SORCS2: variants seen among roughly 807,000 people sequenced by gnomAD.
The protein encoded by SORCS2 is VPS10 domain-containing receptor SorCS2.
Under a neutral mutation model 141.6 loss-of-function variants are expected in SORCS2, and 100 were observed. The observed-to-expected ratio is 0.71, with a 90% CI of 0.60 to 0.83. The LOEUF is 0.83. Among genes scored for constraint, SORCS2 ranks in the 40% least tolerant of loss-of-function variants. SORCS2 has a pLI of 0.00. For missense variants in SORCS2, 1,646 were observed against 1,560.2 expected, an observed-to-expected ratio of 1.05 and a Z score of -0.93; for synonymous variants, 789 against 676.9, an observed-to-expected ratio of 1.17 and a Z score of -2.57.
At chr4:7,351,118 C>G (rs1259870358) in intron 1 of SORCS2, among the ~76,000 whole-genome samples, 3 of 152,230 alleles carry the variant, frequency 2.0e-5, no homozygotes, top group African/African-American at 7.2e-5. Flanking sequence ...ACACGCCCCC[C>G]CACTTAGCCC....
chr4:7,548,997 C>T (rs948582738), intron 3 of SORCS2, among the ~76,000 whole-genome samples: 4 of 152,210 alleles, frequency 2.6e-5, no homozygotes, highest in African/African-American at 9.6e-5. Flanking sequence ...GCTTGGGTCG[C>T]ATGTTATCCA....
At chr4:7,709,497 A>T (rs77694398) in intron 14 of SORCS2, among the ~76,000 whole-genome samples, 2,737 of 152,328 alleles carry the variant, frequency 0.018, 83 homozygotes, top group African/African-American at 0.062. Context: ...TTTTCAAGCA[A>T]CAGAACAGTT....
At chr4:7,510,639 T>A (rs193120229) in intron 2 of SORCS2, among the ~76,000 whole-genome samples, 5 of 145,664 alleles carry the variant, frequency 3.4e-5, no homozygotes, top group African/African-American at 2.6e-5. Flanking sequence ...GGCCGGCGCC[T>A]TGTTCTGGGT....
At chr4:7,314,812 TTTTTTTTTTTTTTTTTTA>T (rs1718450290) in intron 1 of SORCS2, among the ~76,000 whole-genome samples, 5 of 64,900 alleles carry the variant, frequency 7.7e-5, no homozygotes, top group East Asian at 6.0e-4. Context: ...TTTTTTTTTT[TTTTTTTTTTTTTTTTTTA>T]TTGTTGTTGT....
chr4:7,548,011 C>T (rs1246085944), intron 3 of SORCS2, among the ~76,000 whole-genome samples: 1 of 152,188 alleles, frequency 6.6e-6, no homozygotes, highest in Non-Finnish European at 1.5e-5. Flanking sequence ...AGCTTTCTTC[C>T]TGATTTCTTT....
intron 2 of SORCS2, among the ~76,000 whole-genome samples, chr4:7,420,540 G>C (rs1725970696): frequency 6.6e-6 from 1 of 152,178 alleles, no homozygotes; most frequent in African/African-American, 2.4e-5. Flanking sequence ...TGTGCAGCTG[G>C]AGGCAGACCT....
At chr4:7,711,387 G>A (rs964802416) in intron 14 of SORCS2, among the ~76,000 whole-genome samples, 2 of 152,174 alleles carry the variant, frequency 1.3e-5, no homozygotes, top group African/African-American at 4.8e-5. Flanking sequence ...AGCTCATCAT[G>A]GGCCACCCCA....
rs548181808 is a variant in SORCS2, at chr4:7,386,184, C to T, written c.481-10104C>T. 3.5e-5 allele frequency among the ~76,000 whole-genome samples: 5 copies of T among 142,060 alleles called. No individual in the cohort carries two copies. In the South Asian group the frequency reaches 1.2e-3, roughly 33 times the overall value. 93.2% of individuals were successfully genotyped at this position (142,060 alleles called of 152,430 possible). A position where few individuals can be genotyped will look rare whatever the true frequency, so the allele number is the denominator to read the frequency against. On this transcript the variant is annotated intron_variant, in intron 1 of 26. Coordinates refer to ENST00000507866, the MANE Select transcript of SORCS2 (RefSeq NM_020777.3). The stretch of plus-strand genomic sequence containing the variant: ...AGAGATACACATGCGCACGCACACA[C>T]ATGCACACACATACACATTTGCACA...
At chr4:7,288,691 C>T (rs1221556621) in intron 1 of SORCS2, among the ~76,000 whole-genome samples, 1 of 151,130 alleles carries the variant, frequency 6.6e-6, no homozygotes, top group East Asian at 1.9e-4. Context: ...TAGGTCCCTA[C>T]TCCTGTGACC....
chr4:7,474,749 G>A (rs974270645), intron 2 of SORCS2, among the ~76,000 whole-genome samples: 13 of 152,152 alleles, frequency 8.5e-5, no homozygotes, highest in African/African-American at 2.7e-4. Context: ...GCTTCCTGGG[G>A]CTGCTATAAT....
At chr4:7,569,507 C>A (rs1260569941) in intron 3 of SORCS2, among the ~76,000 whole-genome samples, 5 of 152,118 alleles carry the variant, frequency 3.3e-5, no homozygotes, top group Non-Finnish European at 5.9e-5. Flanking sequence ...CAGGGCAAGA[C>A]TCCGTCGCAA....
At chr4:7,377,530 G>C (rs1722740479) in intron 1 of SORCS2, among the ~76,000 whole-genome samples, 1 of 152,202 alleles carries the variant, frequency 6.6e-6, no homozygotes, top group South Asian at 2.1e-4. Context: ...TGCCAAATTT[G>C]TTCCATCATT....
chr4:7,227,705 C>T (rs1711522299), intron 1 of SORCS2, among the ~76,000 whole-genome samples: 1 of 152,212 alleles, frequency 6.6e-6, no homozygotes, highest in South Asian at 2.1e-4. Context: ...CCTCGCCTTT[C>T]ACCCCTCTCT....
chr4:7,435,147 C>T (rs535424126), intron 2 of SORCS2, among the ~76,000 whole-genome samples: 125 of 152,156 alleles, frequency 8.2e-4, no homozygotes, highest in Non-Finnish European at 1.5e-3. Flanking sequence ...GAATGAAGCT[C>T]GGCTCCTAGG....
In SORCS2 at chr4:7,677,608, C is replaced by CAGTAGTAGA. The variant is rs1560476672; in HGVS notation, c.1341+1379_1341+1380insAGTAGTAGA. On this transcript the variant is annotated intron_variant, in intron 9 of 26. Coordinates refer to ENST00000507866, the MANE Select transcript of SORCS2 (RefSeq NM_020777.3). ...GGCTGGGAGAGTGTCCCGTGGGTGG[C>CAGTAGTAGA]CAGTAGACCCTGGGCAGGCAGTGGC... Among the ~76,000 whole-genome samples, 1,152 of 152,274 alleles carry CAGTAGTAGA rather than the reference C, an allele frequency of 7.6e-3. 11 individuals carry two copies. The highest frequency in any genetic ancestry group is 0.021 in the African/African-American group (855 of 41,558).
chr4:7,542,337 A>G (rs1396211581), intron 3 of SORCS2, among the ~76,000 whole-genome samples: 1 of 152,210 alleles, frequency 6.6e-6, no homozygotes, highest in Non-Finnish European at 1.5e-5. Context: ...CTTTGGGAAT[A>G]GGGTCTTTGC....
chr4:7,267,763 C>T (rs774647294), intron 1 of SORCS2, among the ~76,000 whole-genome samples: 13 of 152,270 alleles, frequency 8.5e-5, no homozygotes, highest in Non-Finnish European at 1.3e-4. Context: ...ATCTGGGAGA[C>T]GGAGGTTGCA....
In SORCS2 at chr4:7,326,117, G is replaced by A. The variant is rs531661623; in HGVS notation, c.481-70171G>A. On this transcript the variant is annotated intron_variant, in intron 1 of 26. Transcript: ENST00000507866. Reference sequence around the variant, plus strand: ...AGAGGCTCAGAGGCAGGTGGTGAGGGGCTGTGTTCTGGGAGCTTCTGGATA... The same window carrying A: ...AGAGGCTCAGAGGCAGGTGGTGAGGAGCTGTGTTCTGGGAGCTTCTGGATA... Among the ~76,000 whole-genome samples, 7 of 152,198 alleles carry A rather than the reference G, an allele frequency of 4.6e-5. No homozygotes were observed. In the South Asian group the frequency reaches 1.2e-3, roughly 27 times the overall value.
At chr4:7,300,583 G>A (rs1358514682) in intron 1 of SORCS2, among the ~76,000 whole-genome samples, 5 of 152,176 alleles carry the variant, frequency 3.3e-5, no homozygotes, top group Non-Finnish European at 4.4e-5. Flanking sequence ...AGGTTCTCAC[G>A]GCGACCTTTG....
Sources: allele counts gnomAD v4.1 joint callset (sites outside exome capture counted in the v4.1 genomes callset), GRCh38; gene constraint gnomAD v4.1.1; transcripts MANE v1.5; gene names NCBI Gene and HGNC (gene_info 2026-07-23, HGNC 2026-07-21).